Variants in CCDC6 observed in about 807,000 individuals in gnomAD.
CCDC6 encodes the protein coiled-coil domain-containing protein 6.
Under a neutral mutation model 56.6 loss-of-function variants are expected in CCDC6, and 20 were observed. The observed-to-expected ratio is 0.35, with a 90% CI of 0.25 to 0.51. CCDC6 has a LOEUF of 0.51. Ranked by LOEUF, CCDC6 falls within the 20% of genes least tolerant of loss-of-function variation. CCDC6 has a pLI of 0.95. For synonymous variants in CCDC6, 241 were observed against 234.4 expected (o/e 1.03, Z -0.26); for missense variants, 367 against 601.1 (o/e 0.61, Z 4.07).
At chr10:59,859,792 A>C (rs2071111781) in intron 1 of CCDC6, among the ~76,000 whole-genome samples, 1 of 152,230 alleles carries the variant, frequency 6.6e-6, no homozygotes. Flanking sequence ...AATGAAAGAC[A>C]TAAATCTAGA....
At chr10:59,872,840 G>T (rs1467023961) in intron 1 of CCDC6, among the ~76,000 whole-genome samples, 1 of 151,214 alleles carries the variant, frequency 6.6e-6, no homozygotes, top group East Asian at 2.0e-4. Context: ...TTCCCTGCTA[G>T]AACTTCTAAG....
In CCDC6 at chr10:59,814,629, C is replaced by T. The variant is rs748841459; in HGVS notation, c.686+23G>A. 19 of 1,471,994 alleles carry T rather than the reference C, an allele frequency of 1.3e-5. No individual in the cohort carries two copies. The Admixed American group carries it at 2.5e-4, about 19-fold the overall frequency. 91.2% of individuals were successfully genotyped at this position (1,471,994 alleles called of 1,614,324 possible). On this transcript the variant is annotated intron_variant, in intron 4 of 8. Coordinates refer to ENST00000263102, the MANE Select transcript of CCDC6 (RefSeq NM_005436.5). ...ACACACACACACACACACACCCATA[C>T]TGAACAGCAAGACTAAACAAACCGC...
chr10:59,852,160 T>C (rs757986497), intron 2 of CCDC6, among the ~76,000 whole-genome samples: 2 of 152,198 alleles, frequency 1.3e-5, no homozygotes, highest in Non-Finnish European at 2.9e-5. Context: ...CATATCCTCA[T>C]ATTTTAGTGC....
chr10:59,818,498 G>GGC (rs2070725921), intron 3 of CCDC6, among the ~76,000 whole-genome samples: 1 of 116,462 alleles, frequency 8.6e-6, no homozygotes, highest in African/African-American at 3.9e-5. Context: ...ATGTTGACGG[G>GGC]GGGGGGGGAA....
At chr10:59,819,023 G>T (rs945470623) in intron 3 of CCDC6, among the ~76,000 whole-genome samples, 2 of 152,028 alleles carry the variant, frequency 1.3e-5, no homozygotes, top group African/African-American at 4.8e-5. Context: ...TAAAAATGGG[G>T]TAATTATACG....
intron 1 of CCDC6, among the ~76,000 whole-genome samples, chr10:59,904,046 A>AT (rs367842501): frequency 1.2e-3 from 180 of 152,338 alleles, no homozygotes; most frequent in African/African-American, 3.8e-3. Flanking sequence ...GCACTTTTTT[A>AT]TGTGTCTCCC....
At chr10:59,808,047 C>T (rs898267599) in intron 5 of CCDC6, among the ~76,000 whole-genome samples, 7 of 152,108 alleles carry the variant, frequency 4.6e-5, no homozygotes, top group South Asian at 2.1e-4. Flanking sequence ...ACACACGTAG[C>T]GGCAGAGGGC....
chr10:59,834,603 C>T (rs566451834), intron 2 of CCDC6, among the ~76,000 whole-genome samples: 11 of 151,818 alleles, frequency 7.2e-5, no homozygotes, highest in Middle Eastern at 3.4e-3. Context: ...TTTAATCTGA[C>T]GTAGTCTTCC....
intron 6 of CCDC6, chr10:59,805,722 ATT>A (rs2070616164): frequency 6.6e-6 from 1 of 152,324 alleles, no homozygotes; most frequent in East Asian, 1.9e-4. Context: ...AATCTTTATT[ATT>A]TCCAAATGAA....
intron 1 of CCDC6, among the ~76,000 whole-genome samples, chr10:59,885,828 C>T (rs1409952172): frequency 1.3e-5 from 2 of 151,940 alleles, no homozygotes; most frequent in African/African-American, 4.8e-5. Flanking sequence ...CCATCATATC[C>T]TCCAAGAAAC....
rs75931642 is a variant in CCDC6, at chr10:59,827,090, G to A, written c.582+5435C>T. ...ACACCTAACTGACTGGAGGAGGGAC[G>A]CTAGTAAGGCTTGAGCAGGGATAGG... On this transcript the variant is annotated intron_variant, in intron 3 of 8. Transcript: ENST00000263102. Among the ~76,000 whole-genome samples, 858 of 152,252 alleles carry A rather than the reference G, an allele frequency of 5.6e-3. 11 individuals are homozygous for A. Among genetic ancestry groups the A allele is most frequent in the East Asian group, 0.032 (166 of 5,176 alleles).
chr10:59,802,220 G>T (rs1481436496), intron 7 of CCDC6, among the ~76,000 whole-genome samples: 1 of 152,120 alleles, frequency 6.6e-6, no homozygotes, highest in African/African-American at 2.4e-5. Context: ...TTTAGGCTAT[G>T]TATTTTTCAA....
intron 7 of CCDC6, among the ~76,000 whole-genome samples, chr10:59,799,222 G>C (rs1173607312): frequency 6.6e-6 from 1 of 152,012 alleles, no homozygotes; most frequent in East Asian, 1.9e-4. Flanking sequence ...CTTGAGGTCG[G>C]GAATTCAAGA....
At chr10:59,821,917 T>A (rs1335726408) in intron 3 of CCDC6, among the ~76,000 whole-genome samples, 1 of 152,188 alleles carries the variant, frequency 6.6e-6, no homozygotes, top group African/African-American at 2.4e-5. Flanking sequence ...ACATCTGCTA[T>A]TTTTATTATA....
intron 1 of CCDC6, among the ~76,000 whole-genome samples, chr10:59,872,135 G>A (rs1349080697): frequency 1.3e-5 from 2 of 152,156 alleles, no homozygotes; most frequent in African/African-American, 4.8e-5. Flanking sequence ...CTATCTCTAT[G>A]ATTAAATGTT....
At chr10:59,892,201 A>G (rs1032819391) in intron 1 of CCDC6, among the ~76,000 whole-genome samples, 1 of 152,240 alleles carries the variant, frequency 6.6e-6, no homozygotes, top group African/African-American at 2.4e-5. Context: ...TCTATCAGAG[A>G]GGCCAGTTTT....
intron 5 of CCDC6, among the ~76,000 whole-genome samples, chr10:59,811,269 C>T (rs1197396169): frequency 2.6e-5 from 4 of 152,170 alleles, no homozygotes; most frequent in Non-Finnish European, 4.4e-5. Flanking sequence ...AGATGCTCCA[C>T]GGCACAAGAA....
intron 1 of CCDC6, among the ~76,000 whole-genome samples, chr10:59,876,883 GT>G (rs2071286947): frequency 6.6e-6 from 1 of 152,112 alleles, no homozygotes; most frequent in Non-Finnish European, 1.5e-5. Context: ...GCATTGTTAG[GT>G]GATTTCATCA....
rs922794075 is a variant in CCDC6, at chr10:59,872,781, G to T, written c.304-20079C>A. 7.3e-3 allele frequency among the ~76,000 whole-genome samples: 736 copies of T among 100,176 alleles called. 10 individuals carry two copies. Among genetic ancestry groups the T allele is most frequent in the South Asian group, 0.05 (130 of 2,624 alleles). The allele number at this position is 100,176 out of a possible 152,430, so 65.7% of individuals were successfully genotyped here. ...GTCAAAGAGGATAACTTTCCAGATGGGGGGGTGGGGGAAGGTAACAACATT... is the reference window on the plus strand; with the variant it reads ...GTCAAAGAGGATAACTTTCCAGATGTGGGGGTGGGGGAAGGTAACAACATT... On this transcript the variant is annotated intron_variant, in intron 1 of 8. Coordinates refer to ENST00000263102, the MANE Select transcript of CCDC6 (RefSeq NM_005436.5).
Sources: allele counts gnomAD v4.1 joint callset (sites outside exome capture counted in the v4.1 genomes callset), GRCh38; gene constraint gnomAD v4.1.1; transcripts MANE v1.5; gene names NCBI Gene and HGNC (gene_info 2026-07-23, HGNC 2026-07-21).